SNX9: variants seen among roughly 807,000 people sequenced by gnomAD.
The protein encoded by SNX9 is sorting nexin-9.
SNX9 carries 44 observed loss-of-function variants against 89.4 expected under a neutral mutation model. That is an observed-to-expected ratio of 0.49 (90% CI 0.39 to 0.63). The LOEUF is 0.63. SNX9 is among the 30% of genes least tolerant of loss of function. The pLI, the probability that SNX9 is intolerant of heterozygous loss-of-function variation, is 0.00. For synonymous variants in SNX9, 236 were observed against 247.8 expected, an observed-to-expected ratio of 0.95 and a Z score of 0.45; for missense variants, 578 against 736.1, an observed-to-expected ratio of 0.79 and a Z score of 2.49.
chr6:157,921,480 G>T, intron 9 of SNX9, 51 bp from the exon 10 acceptor site: 1 of 1,587,594 alleles, frequency 6.3e-7, no homozygotes, highest in Non-Finnish European at 8.6e-7. Flanking sequence ...TATGGTAACA[G>T]TCATTCATTT....
chr6:157,929,004 G>T (rs6455914), intron 12 of SNX9, among the ~76,000 whole-genome samples: 32,923 of 152,074 alleles, frequency 0.22, 3,632 homozygotes, highest in Non-Finnish European at 0.23. Flanking sequence ...CAGAGTGCTT[G>T]TAGTTATTCT....
intron 9 of SNX9, among the ~76,000 whole-genome samples, chr6:157,910,860 C>T (rs1409641123): frequency 3.3e-5 from 5 of 152,142 alleles, no homozygotes; most frequent in Non-Finnish European, 7.4e-5. Flanking sequence ...GTGCCAGGTG[C>T]AGTGGCATCC....
intron 4 of SNX9, among the ~76,000 whole-genome samples, chr6:157,883,125 C>T (rs1174411488): frequency 1.3e-5 from 2 of 151,928 alleles, no homozygotes; most frequent in African/African-American, 4.8e-5. Context: ...AAAACAAGAC[C>T]CCCCCGCCAC....
chr6:157,883,269 A>C (rs777649162), intron 4 of SNX9, among the ~76,000 whole-genome samples: 7 of 152,222 alleles, frequency 4.6e-5, no homozygotes, highest in Non-Finnish European at 8.8e-5. Flanking sequence ...GGTATAGTGT[A>C]ACCATAACTG....
At chr6:157,849,213 A>G (rs146927688) in intron 1 of SNX9, among the ~76,000 whole-genome samples, 1 of 152,356 alleles carries the variant, frequency 6.6e-6, no homozygotes, top group East Asian at 1.9e-4. Flanking sequence ...TGATCATATA[A>G]TTTTTTAGTC....
intron 1 of SNX9, among the ~76,000 whole-genome samples, chr6:157,836,149 C>CTA (rs1374500173): frequency 6.6e-6 from 1 of 151,966 alleles, no homozygotes; most frequent in Non-Finnish European, 1.5e-5. Context: ...CAGGGTCTCT[C>CTA]TATGTGCCCA....
At chr6:157,933,113 C>T (rs893165959) in intron 13 of SNX9, among the ~76,000 whole-genome samples, 1 of 151,794 alleles carries the variant, frequency 6.6e-6, no homozygotes, top group Non-Finnish European at 1.5e-5. Flanking sequence ...ATAAGGAGAC[C>T]CCATCTCTAC....
At chr6:157,922,550 A>C (rs1385261278) in intron 10 of SNX9, among the ~76,000 whole-genome samples, 4 of 152,234 alleles carry the variant, frequency 2.6e-5, no homozygotes, top group Non-Finnish European at 5.9e-5. Context: ...CACTTGTTGA[A>C]GTGAACACAT....
At chr6:157,861,709 C>T (rs181821535) in intron 1 of SNX9, among the ~76,000 whole-genome samples, 26 of 152,234 alleles carry the variant, frequency 1.7e-4, no homozygotes, top group Middle Eastern at 6.8e-3. Context: ...TGCCTGCAAC[C>T]AAGGATAATA....
chr6:157,850,583 G>T (rs1385765629), intron 1 of SNX9, among the ~76,000 whole-genome samples: 1 of 152,048 alleles, frequency 6.6e-6, no homozygotes, highest in South Asian at 2.1e-4. Flanking sequence ...CTCTTCCCTT[G>T]GCTTCTCTTT....
At chr6:157,874,925 G>T in intron 3 of SNX9, 126 bp from the exon 4 acceptor site, 1 of 1,062,606 alleles carries the variant, frequency 9.4e-7, no homozygotes, top group Non-Finnish European at 1.3e-6. Flanking sequence ...GGCAAAAGCA[G>T]TGCTTACAGA....
At chr6:157,929,403 A>C (rs765908742) in intron 12 of SNX9, among the ~76,000 whole-genome samples, 4 of 152,206 alleles carry the variant, frequency 2.6e-5, no homozygotes, top group African/African-American at 4.8e-5. Context: ...GTGACTTGTC[A>C]GGCCCTGAAA....
chr6:157,939,291 A>G (rs1783988271), intron 16 of SNX9, among the ~76,000 whole-genome samples: 1 of 152,162 alleles, frequency 6.6e-6, no homozygotes, highest in Non-Finnish European at 1.5e-5. Context: ...AAGCCACAAA[A>G]TTGTGGTGCT....
At chr6:157,867,369 A>G (rs1355284811) in intron 1 of SNX9, among the ~76,000 whole-genome samples, 178 bp from the exon 2 acceptor site, 1 of 152,180 alleles carries the variant, frequency 6.6e-6, no homozygotes, top group Admixed American at 6.5e-5. Flanking sequence ...CGTTGGTGTT[A>G]TTCTTCCTCA....
At chr6:157,871,624 C>T (rs991584615) in intron 2 of SNX9, among the ~76,000 whole-genome samples, 1 of 151,930 alleles carries the variant, frequency 6.6e-6, no homozygotes, top group African/African-American at 2.4e-5. Flanking sequence ...ACATGTATAC[C>T]TATGTAACAA....
At chr6:157,930,808 G>T (rs918619427) in intron 12 of SNX9, among the ~76,000 whole-genome samples, 3 of 152,152 alleles carry the variant, frequency 2.0e-5, no homozygotes, top group Non-Finnish European at 4.4e-5. Context: ...AAGTATAAAT[G>T]AAAGAATTCA....
intron 1 of SNX9, among the ~76,000 whole-genome samples, chr6:157,851,126 C>G (rs1781901468): frequency 6.6e-6 from 1 of 151,794 alleles, no homozygotes; most frequent in African/African-American, 2.4e-5. Context: ...GGCATGGTGG[C>G]ACATGCCTGT....
chr6:157,902,166 A>T (rs1783117992), intron 6 of SNX9, 121 bp downstream of exon 6: 8 of 823,598 alleles, frequency 9.7e-6, no homozygotes, highest in Non-Finnish European at 1.3e-5. Flanking sequence ...TAAGTTTTGG[A>T]TATGATTCAG....
At chr6:157,869,534 C>T (rs1438416814) in intron 2 of SNX9, among the ~76,000 whole-genome samples, 1 of 152,186 alleles carries the variant, frequency 6.6e-6, no homozygotes, top group Non-Finnish European at 1.5e-5. Context: ...ATTGGTTTCT[C>T]TCCCTAGAGT....
Sources: gnomAD v4.1 joint callset for allele counts (sites outside exome capture counted in the v4.1 genomes callset) on GRCh38, gnomAD v4.1.1 for gene constraint, MANE v1.5 for transcripts, NCBI Gene and HGNC (gene_info 2026-07-23, HGNC 2026-07-21) for gene names.